The following KIAA1217 variants were observed in gnomAD, a reference collection of about 807,000 sequenced individuals.
KIAA1217 encodes KIAA1217, also known as sickle tail protein homolog.
A neutral mutation model predicts 163.9 loss-of-function variants in KIAA1217; 88 were observed. The ratio of observed to expected loss-of-function variants is 0.54; its 90% CI spans 0.45 to 0.64. KIAA1217 has a LOEUF of 0.64. Ranked by LOEUF, KIAA1217 falls within the 30% of genes least tolerant of loss-of-function variation. The pLI is 0.00. For synonymous variants in KIAA1217, 903 were observed against 923.1 expected (o/e 0.98, Z 0.39); for missense variants, 2,372 against 2,475.0 (o/e 0.96, Z 0.88).
At chr10:23,990,875 A>G (rs1171187406) in intron 1 of KIAA1217, among the ~76,000 whole-genome samples, 1 of 152,188 alleles carries the variant, frequency 6.6e-6, no homozygotes, top group African/African-American at 2.4e-5. Flanking sequence ...AGTGGGTTAT[A>G]AGAGTATAGA....
chr10:24,158,849 T>C (rs1249959114), intron 2 of KIAA1217: 1 of 333,130 alleles, frequency 3.0e-6, no homozygotes, highest in Non-Finnish European at 6.1e-6. Flanking sequence ...TGCTGCTGGT[T>C]CCTTCGGTTA....
At chr10:24,052,497 A>G (rs7082949) in intron 2 of KIAA1217, among the ~76,000 whole-genome samples, 68 of 152,280 alleles carry the variant, frequency 4.5e-4, no homozygotes, top group African/African-American at 1.6e-3. Flanking sequence ...AAGAGATTAT[A>G]TAGAATCACA....
In KIAA1217 at chr10:23,858,005, G is replaced by C. The variant is rs547403489; in HGVS notation, c.-320-149220G>C. On this transcript the variant is annotated intron_variant, in intron 1 of 18. Coordinates refer to the KIAA1217 transcript ENST00000376462. ...CAGAGACTTCAAGTAGGAGACAGCA[G>C]CTGGGAGACAGGCCAAGAGGATCAG... Among the ~76,000 whole-genome samples the C allele has an allele frequency of 2.0e-5, 3 of 151,814 alleles. No homozygotes were observed. In the South Asian group the frequency reaches 6.2e-4, roughly 32 times the overall value.
intron 1 of KIAA1217, among the ~76,000 whole-genome samples, chr10:23,907,395 A>G (rs1278114017): frequency 6.6e-6 from 1 of 151,880 alleles, no homozygotes; most frequent in Non-Finnish European, 1.5e-5. Context: ...GAGATTTAGC[A>G]TGGGATGTGG....
chr10:23,870,982 T>G (rs1024607692), intron 1 of KIAA1217, among the ~76,000 whole-genome samples: 3 of 152,128 alleles, frequency 2.0e-5, no homozygotes, highest in African/African-American at 4.8e-5. Flanking sequence ...AGAGCTGGAA[T>G]TTGAACTTAG....
chr10:24,369,707 C>T (rs2051302489), intron 2 of KIAA1217, among the ~76,000 whole-genome samples: 1 of 152,154 alleles, frequency 6.6e-6, no homozygotes, highest in Admixed American at 6.5e-5. Context: ...TCAAAGGCTA[C>T]AAGCAGGTTT....
chr10:23,824,647 A>T (rs1380628918), intron 1 of KIAA1217, among the ~76,000 whole-genome samples: 106 of 89,348 alleles, frequency 1.2e-3, no homozygotes, highest in African/African-American at 3.2e-3. Flanking sequence ...AAAAAAAAAA[A>T]AAATAAAAAA....
intron 8 of KIAA1217, 129 bp from the exon 9 acceptor site, chr10:24,501,250 A>C (rs1185907286): frequency 4.2e-6 from 3 of 713,228 alleles, no homozygotes; most frequent in Admixed American, 2.8e-5. Context: ...TGATTCATAT[A>C]TATGCATATT....
intron 2 of KIAA1217, among the ~76,000 whole-genome samples, chr10:24,037,311 T>TA (rs1347300337): frequency 2.0e-5 from 3 of 151,416 alleles, no homozygotes; most frequent in African/African-American, 7.3e-5. Flanking sequence ...ACTAAAAAAA[T>TA]AAAAAATAAA....
Position 24,212,492 on chromosome 10 carries a change from C to T in KIAA1217, c.70+3229C>T, listed in dbSNP as rs542663872. Among the ~76,000 whole-genome samples the T allele has an allele frequency of 5.3e-4, 81 of 152,242 alleles. 1 individual carries two copies. Among genetic ancestry groups the T allele is most frequent in the African/African-American group, 1.8e-3 (74 of 41,550 alleles). Reference sequence around the variant, plus strand: ...CAGAAGAAAAAGTCCAAAGGATGCCCCCCGAGGCAGTCCAGCATCTAGAGG... The same window carrying T: ...CAGAAGAAAAAGTCCAAAGGATGCCTCCCGAGGCAGTCCAGCATCTAGAGG... On this transcript the variant is annotated intron_variant, in intron 1 of 20. Transcript: ENST00000376454.
upstream of KIAA1217, among the ~76,000 whole-genome samples, chr10:24,206,051 A>T (rs570063061): frequency 6.6e-6 from 1 of 152,254 alleles, no homozygotes; most frequent in South Asian, 2.1e-4. Context: ...CATTTGTTTT[A>T]TGTGGTAGCT....
chr10:24,412,736 A>G (rs960882063), intron 3 of KIAA1217, among the ~76,000 whole-genome samples: 1 of 152,140 alleles, frequency 6.6e-6, no homozygotes, highest in Non-Finnish European at 1.5e-5. Context: ...CTCTATATTC[A>G]TGCCATCGGT....
At chr10:23,790,380 T>TATATACATATGCATATATAC (rs1835785252) in intron 1 of KIAA1217, among the ~76,000 whole-genome samples, 1 of 81,240 alleles carries the variant, frequency 1.2e-5, no homozygotes, top group African/African-American at 5.1e-5. Context: ...TACATATGTA[T>TATATACATATGCATATATAC]ATATACATAT....
chr10:24,203,558 C>A (rs957610538), intron 2 of KIAA1217, among the ~76,000 whole-genome samples: 2 of 151,872 alleles, frequency 1.3e-5, no homozygotes, highest in African/African-American at 2.4e-5. Context: ...CCCCCTACCC[C>A]CCAACCCCCA....
At chr10:24,378,852 TG>T (rs886144421) in intron 2 of KIAA1217, among the ~76,000 whole-genome samples, 6 of 152,310 alleles carry the variant, frequency 3.9e-5, no homozygotes, top group African/African-American at 1.2e-4. Context: ...TAAATAGCTA[TG>T]TTTAGGAAGT....
At chr10:23,766,327 C>G (rs538466998) in intron 1 of KIAA1217, among the ~76,000 whole-genome samples, 1 of 152,282 alleles carries the variant, frequency 6.6e-6, no homozygotes, top group South Asian at 2.1e-4. Flanking sequence ...GTCTCAATGT[C>G]AAAACATACA....
At chr10:24,480,923 G>A (rs1311668486) in intron 6 of KIAA1217, among the ~76,000 whole-genome samples, 2 of 152,068 alleles carry the variant, frequency 1.3e-5, no homozygotes, top group African/African-American at 4.8e-5. Flanking sequence ...CATCTGCTTG[G>A]GTCCAGGGGC....
At position 23,695,156 on chromosome 10, in the gene KIAA1217, G is replaced by C. The variant is rs1173487572; in HGVS notation, c.-399G>C. 1 of 152,472 alleles carries C rather than the reference G, an allele frequency of 6.6e-6. No individual in the cohort carries two copies. Among genetic ancestry groups the C allele is most frequent in the Admixed American group, 6.5e-5 (1 of 15,292 alleles). 9.4% of individuals were successfully genotyped at this position (152,472 alleles called of 1,614,324 possible). ...CTGCGCTGGTGTGGGGCATGAGAGC[G>C]AGGTGGCTCCAGGTCTCCGCGGAGC... On this transcript the variant is annotated 5_prime_UTR_variant, in exon 1 of 19. Coordinates refer to the KIAA1217 transcript ENST00000376462. The surrounding 1 kb of genome is among the most constrained non-coding windows in gnomAD (Gnocchi z 4.9).
intron 1 of KIAA1217, among the ~76,000 whole-genome samples, chr10:23,993,637 C>A (rs1241513949): frequency 2.1e-5 from 3 of 144,206 alleles, no homozygotes; most frequent in African/African-American, 5.3e-5. Context: ...CTCACTGCAA[C>A]CTTCGCCTCC....
Sources: allele counts gnomAD v4.1 joint callset (sites outside exome capture counted in the v4.1 genomes callset), GRCh38; gene constraint gnomAD v4.1.1; non-coding constraint Gnocchi (gnomAD v3.1); transcripts MANE v1.5; gene names NCBI Gene and HGNC (gene_info 2026-07-23, HGNC 2026-07-21).